The following POLK variants were observed in gnomAD, a reference collection of about 807,000 sequenced individuals.
POLK encodes polymerase (DNA directed) kappa.
A neutral mutation model predicts 94.0 loss-of-function variants in POLK; 76 were observed. The ratio of observed to expected loss-of-function variants is 0.81; its 90% confidence interval spans 0.67 to 0.98. The LOEUF (loss-of-function observed/expected upper bound fraction) is 0.98. Among genes scored for constraint, POLK ranks in the 50% least tolerant of loss-of-function variants. The pLI is 0.00. For missense variants in POLK, 954 were observed against 1,010.1 expected (o/e 0.94, Z 0.75); for synonymous variants, 349 against 325.4 (o/e 1.07, Z -0.78).
At chr5:75,595,467 G>A (rs1773027067) in intron 12 of POLK, among the ~76,000 whole-genome samples, 1 of 152,020 alleles carries the variant, frequency 6.6e-6, no homozygotes, top group African/African-American at 2.4e-5. Flanking sequence ...ATAATGTTAA[G>A]TAAAAGAAGC....
chr5:75,534,871 A>G (rs1009319483), intron 1 of POLK: 1 of 152,120 alleles, frequency 6.6e-6, no homozygotes, highest in Non-Finnish European at 1.5e-5. Context: ...ATGTCATTGC[A>G]TGTGATATGG....
downstream of POLK, among the ~76,000 whole-genome samples, chr5:75,602,142 C>G (rs550800979): frequency 1.1e-4 from 16 of 152,260 alleles, no homozygotes; most frequent in South Asian, 3.3e-3. Flanking sequence ...AAAATATTGC[C>G]AACCAAGGAA....
chr5:75,579,156 A>T (rs1772067876), intron 6 of POLK, among the ~76,000 whole-genome samples: 1 of 152,168 alleles, frequency 6.6e-6, no homozygotes, highest in South Asian at 2.1e-4. Flanking sequence ...TTCTGCTCTC[A>T]CAGTGGCTCA....
intron 4 of POLK, 76 bp downstream of exon 4, chr5:75,569,568 T>G: frequency 4.1e-6 from 5 of 1,224,486 alleles, no homozygotes; most frequent in African/African-American, 1.5e-5. Context: ...GAAGGGGGAA[T>G]TCTTTATTGA....
chr5:75,518,833 C>T (rs1369107572), intron 1 of POLK, among the ~76,000 whole-genome samples: 1 of 152,130 alleles, frequency 6.6e-6, no homozygotes, highest in Non-Finnish European at 1.5e-5. Context: ...TCATTTGATT[C>T]AGAATATTTT....
At chr5:75,596,447 G>T in exon 13 of POLK, 1 of 1,613,750 alleles carries the variant, frequency 6.2e-7, no homozygotes, top group South Asian at 1.1e-5. Flanking sequence ...ACATTTAAAT[G>T]TGAAGCCGTG....
At chr5:75,549,687 A>T (rs1234907902) in intron 2 of POLK, among the ~76,000 whole-genome samples, 1 of 152,034 alleles carries the variant, frequency 6.6e-6, no homozygotes, top group African/African-American at 2.4e-5. Context: ...ATAGCAATAC[A>T]ATTTACTTTT....
chr5:75,582,709 A>G, intron 7 of POLK: 1 of 152,478 alleles, frequency 6.6e-6, no homozygotes, highest in Non-Finnish European at 1.5e-5. Flanking sequence ...GCACTTTGGG[A>G]GGCCGAAGCT....
intron 3 of POLK, among the ~76,000 whole-genome samples, chr5:75,559,505 G>GTTTTTTTTTTTTTTTTT (rs1561371144): frequency 7.1e-5 from 5 of 70,110 alleles, no homozygotes; most frequent in East Asian, 4.3e-4. Flanking sequence ...TTTGGGGTTT[G>GTTTTTTTTTTTTTTTTT]TTTTTTTGTT....
chr5:75,528,678 G>A (rs1267796594), intron 1 of POLK, among the ~76,000 whole-genome samples: 11 of 152,098 alleles, frequency 7.2e-5, no homozygotes, highest in Non-Finnish European at 2.9e-5. Context: ...GGGCAAGGTG[G>A]CACATACGTG....
intron 1 of POLK, among the ~76,000 whole-genome samples, chr5:75,530,652 TTG>T (rs1316719766): frequency 6.6e-6 from 1 of 151,862 alleles, no homozygotes; most frequent in South Asian, 2.1e-4. Flanking sequence ...TTTACAATTA[TTG>T]TGTTTGTAAA....
At chr5:75,543,594 A>G (rs1342502435) in intron 1 of POLK, among the ~76,000 whole-genome samples, 1 of 152,200 alleles carries the variant, frequency 6.6e-6, no homozygotes, top group Admixed American at 6.5e-5. Context: ...TAAACTTGAA[A>G]TGGCAAACAG....
At chr5:75,601,829 C>T (rs1773303501), downstream of POLK, among the ~76,000 whole-genome samples, 1 of 152,080 alleles carries the variant, frequency 6.6e-6, no homozygotes, top group South Asian at 2.1e-4. Context: ...GGGACTTCAC[C>T]TTGTGATTGT....
chr5:75,541,404 G>A (rs1232484503), intron 1 of POLK, among the ~76,000 whole-genome samples: 5 of 152,116 alleles, frequency 3.3e-5, no homozygotes, highest in African/African-American at 7.2e-5. Context: ...TCATCCTGTC[G>A]AAAGAAGATA....
intron 1 of POLK, among the ~76,000 whole-genome samples, chr5:75,538,992 A>C (rs1215318994): frequency 1.3e-5 from 2 of 151,986 alleles, no homozygotes; most frequent in African/African-American, 2.4e-5. Context: ...GGCTGGTCTC[A>C]AACTTCTGAC....
At chr5:75,594,324 C>G (rs1475862318) in intron 12 of POLK, among the ~76,000 whole-genome samples, 1 of 152,212 alleles carries the variant, frequency 6.6e-6, no homozygotes, top group Admixed American at 6.5e-5. Context: ...TACTGTAACT[C>G]AATGAGCACC....
At chr5:75,572,543 A>G (rs1771648457) in intron 4 of POLK, among the ~76,000 whole-genome samples, 1 of 152,142 alleles carries the variant, frequency 6.6e-6, no homozygotes, top group Admixed American at 6.5e-5. Context: ...TTACCATACT[A>G]TTACTTTCAT....
At chr5:75,530,512 C>CT (rs1452333418) in intron 1 of POLK, among the ~76,000 whole-genome samples, 1 of 144,670 alleles carries the variant, frequency 6.9e-6, no homozygotes, top group Admixed American at 7.1e-5. Context: ...TCAAGCGACT[C>CT]TGTCAGCCTC....
intron 1 of POLK, among the ~76,000 whole-genome samples, chr5:75,527,563 A>C (rs971269944): frequency 1.3e-5 from 2 of 151,758 alleles, no homozygotes; most frequent in Non-Finnish European, 2.9e-5. Context: ...GTATATATGT[A>C]TATATACATG....
Sources: gnomAD v4.1 joint callset for allele counts (sites outside exome capture counted in the v4.1 genomes callset) on GRCh38, gnomAD v4.1.1 for gene constraint, MANE v1.5 for transcripts, NCBI Gene and HGNC (gene_info 2026-07-23, HGNC 2026-07-21) for gene names.